The following DLGAP2 variants were observed in gnomAD, a reference collection of about 807,000 sequenced individuals.
DLGAP2 encodes DLG associated protein 2.
In DLGAP2, 26 loss-of-function variants were observed where a neutral mutation model predicts 100.3. The observed-to-expected ratio is 0.26, with a 90% CI of 0.19 to 0.36. The LOEUF is 0.36. DLGAP2 is among the 10% of genes least tolerant of loss of function. The probability of loss-of-function intolerance (pLI) is 1.00; values close to 1 mark genes in which losing one functional copy is unlikely to be tolerated. For synonymous variants in DLGAP2, 886 were observed against 630.1 expected (o/e 1.41, Z -6.08); for missense variants, 1,858 against 1,453.2 (o/e 1.28, Z -4.53).
chr8:1,321,816 G>A (rs1366088923), intron 3 of DLGAP2, among the ~76,000 whole-genome samples: 4 of 152,140 alleles, frequency 2.6e-5, no homozygotes, highest in Non-Finnish European at 5.9e-5. Context: ...AATGTGCTTG[G>A]TGATTATTTG....
chr8:1,588,983 A>C (rs184780227), intron 6 of DLGAP2, among the ~76,000 whole-genome samples: 98 of 152,220 alleles, frequency 6.4e-4, no homozygotes, highest in Non-Finnish European at 1.3e-3. Flanking sequence ...TCTCTTGTAA[A>C]ACACACCTTC....
intron 3 of DLGAP2, among the ~76,000 whole-genome samples, chr8:1,284,588 C>G (rs1043445474): frequency 2.5e-4 from 38 of 152,198 alleles, no homozygotes; most frequent in African/African-American, 6.8e-4. Context: ...CTGTCCATCA[C>G]AACACATTTT....
Position 1,279,426 on chromosome 8 carries a change from A to T in DLGAP2, c.106+20543A>T, listed in dbSNP as rs57520666. 3.0e-3 allele frequency among the ~76,000 whole-genome samples: 450 copies of T among 152,332 alleles called. 2 individuals carry two copies. The highest frequency in any genetic ancestry group is 4.8e-3 in the Non-Finnish European group (328 of 68,032). On this transcript the variant is annotated intron_variant, in intron 3 of 14. Transcript: ENST00000637795. ...TTTTACCAAGAAGTATGAAAGTTAG[A>T]TGTGTTCAAAACTAAGCTTCAAGGC...
chr8:792,362 C>A (rs11990990), intron 1 of DLGAP2, among the ~76,000 whole-genome samples: 36,586 of 151,980 alleles, frequency 0.24, 5,340 homozygotes, highest in African/African-American at 0.4. Context: ...TTTTTCCCTT[C>A]CTAATATTTA....
intron 3 of DLGAP2, among the ~76,000 whole-genome samples, chr8:1,494,512 C>T (rs1477369403): frequency 6.6e-6 from 1 of 152,134 alleles, no homozygotes; most frequent in Non-Finnish European, 1.5e-5. Flanking sequence ...GGGTGGATCA[C>T]GAGGTCAGGA....
intron 2 of DLGAP2, among the ~76,000 whole-genome samples, chr8:1,244,998 G>A (rs1199525127): frequency 6.6e-6 from 1 of 152,194 alleles, no homozygotes; most frequent in Non-Finnish European, 1.5e-5. Context: ...GAAAGACACT[G>A]GACATCTTTG....
In DLGAP2 at chr8:814,690, A is replaced by C. The variant is rs1220350981; in HGVS notation, c.18+76865A>C. On this transcript the variant is annotated intron_variant, in intron 1 of 14. Transcript: ENST00000637795. ...GTGAAACCCCGTCTCTACTAAAAAT[A>C]CAAAAAAAAAAAATTAGCTGGGCGT... is the stretch of plus-strand genomic sequence containing the variant. 2.6e-5 allele frequency among the ~76,000 whole-genome samples: 4 copies of C among 150,996 alleles called. No individual in the cohort carries two copies. The East Asian group carries it at 7.8e-4, about 29-fold the overall frequency.
At chr8:1,023,851 TTA>T (rs199656400) in intron 2 of DLGAP2, among the ~76,000 whole-genome samples, 20 of 71,166 alleles carry the variant, frequency 2.8e-4, no homozygotes, top group South Asian at 4.3e-4. Context: ...TGCTCAAACT[TTA>T]TATATGTGTG....
At chr8:1,085,718 C>T (rs149545277) in intron 2 of DLGAP2, among the ~76,000 whole-genome samples, 66 of 152,216 alleles carry the variant, frequency 4.3e-4, no homozygotes, top group African/African-American at 1.4e-3. Context: ...TCTAGCTTTG[C>T]TACTTTTGCT....
At chr8:1,168,567 G>A (rs1797065252) in intron 2 of DLGAP2, among the ~76,000 whole-genome samples, 2 of 148,124 alleles carry the variant, frequency 1.4e-5, no homozygotes, top group East Asian at 3.9e-4. Context: ...TTTAATGATC[G>A]CCATTCTAAC....
At chr8:1,612,820 T>G (rs1584992764) in intron 6 of DLGAP2, among the ~76,000 whole-genome samples, 1 of 99,054 alleles carries the variant, frequency 1.0e-5, no homozygotes, top group Non-Finnish European at 2.0e-5. Flanking sequence ...ATCAGAGAAA[T>G]GCAAATCAAA....
intron 3 of DLGAP2, among the ~76,000 whole-genome samples, chr8:1,487,103 TAA>T (rs1457530646): frequency 5.3e-5 from 8 of 152,236 alleles, no homozygotes; most frequent in Admixed American, 3.9e-4. Context: ...AGTGCTGTGC[TAA>T]AACCTTGTAC....
chr8:1,004,576 C>A (rs756197672), intron 2 of DLGAP2, among the ~76,000 whole-genome samples: 24 of 152,212 alleles, frequency 1.6e-4, no homozygotes, highest in Non-Finnish European at 2.8e-4. Flanking sequence ...TTCAGACCCT[C>A]CTGTATAGTG....
intron 3 of DLGAP2, among the ~76,000 whole-genome samples, chr8:1,420,119 G>T (rs1797047233): frequency 6.6e-6 from 1 of 152,158 alleles, no homozygotes. Context: ...GAGGTCTGGG[G>T]TCGGGAGGGG....
rs143972690 is a variant in DLGAP2, at chr8:1,298,987, C to T, written c.106+40104C>T. The stretch of plus-strand genomic sequence containing the variant: ...TGTCTCAGTGGCTCGTGCTGAATGA[C>T]CCAAAGGGGCCCAAGGGAGCAAAGG... On this transcript the variant is annotated intron_variant, in intron 3 of 14. Coordinates refer to ENST00000637795, the MANE Select transcript of DLGAP2 (RefSeq NM_001346810.2). Among the ~76,000 whole-genome samples, 168 of 152,210 alleles carry T rather than the reference C, an allele frequency of 1.1e-3. 1 individual carries two copies. Among genetic ancestry groups the T allele is most frequent in the African/African-American group, 3.9e-3 (160 of 41,532 alleles).
intron 1 of DLGAP2, among the ~76,000 whole-genome samples, chr8:834,673 G>A (rs540552054): frequency 1.2e-4 from 19 of 152,252 alleles, no homozygotes; most frequent in Admixed American, 1.2e-3. Flanking sequence ...CCTCCTTGTT[G>A]TTAGGGAGGA....
chr8:1,321,441 G>A (rs1262229812), intron 3 of DLGAP2, among the ~76,000 whole-genome samples: 3 of 152,096 alleles, frequency 2.0e-5, no homozygotes, highest in East Asian at 3.9e-4. Flanking sequence ...GCATCCATGC[G>A]TCTCTGCATG....
chr8:1,383,527 A>G lies in DLGAP2; in HGVS notation c.107-117839A>G, dbSNP rs56915073. 4.1e-3 allele frequency among the ~76,000 whole-genome samples: 630 copies of G among 152,298 alleles called. 3 individuals carry two copies. Among genetic ancestry groups the G allele is most frequent in the African/African-American group, 0.015 (604 of 41,566 alleles). ...AAGGAGGCAAATGGTTTAGGGACAC[A>G]CAGTTGGCGACGTTACCGGTCTGAG... On this transcript the variant is annotated intron_variant, in intron 3 of 14. Transcript: ENST00000637795.
At chr8:853,320 G>A (rs1274647940) in intron 1 of DLGAP2, among the ~76,000 whole-genome samples, 1 of 152,220 alleles carries the variant, frequency 6.6e-6, no homozygotes. Context: ...GAGGGGCTTG[G>A]TTCTGCCAGT....
Sources: gnomAD v4.1 joint callset for allele counts (sites outside exome capture counted in the v4.1 genomes callset) on GRCh38, gnomAD v4.1.1 for gene constraint, MANE v1.5 for transcripts, NCBI Gene and HGNC (gene_info 2026-07-23, HGNC 2026-07-21) for gene names.